RSF1: variants seen among roughly 807,000 people sequenced by gnomAD.
RSF1 encodes remodeling and spacing factor 1, also known as HBV pX-associated protein 8.
RSF1 carries 13 observed loss-of-function variants against 145.2 expected under a neutral mutation model. That is an observed-to-expected ratio of 0.09 (90% CI 0.06 to 0.14). RSF1 has a LOEUF of 0.14. RSF1 is among the 10% of genes least tolerant of loss of function. The pLI is 1.00. For synonymous variants in RSF1, 577 were observed against 592.6 expected (o/e 0.97, Z 0.38); for missense variants, 1,517 against 1,718.2 (o/e 0.88, Z 2.07).
At position 77,683,738 on chromosome 11, in the gene RSF1, T is replaced by C. The variant is rs1959930019; in HGVS notation, c.3037A>G (p.Thr1013Ala). 6.2e-6 allele frequency: 10 copies of C among 1,613,044 alleles called. No individual in the cohort carries two copies. The highest frequency in any genetic ancestry group is 8.5e-6 in the Non-Finnish European group (10 of 1,179,518). The change falls in exon 11 of 16, where the codon ACA becomes GCA. Residue 1013 changes from threonine to alanine, a missense_variant. This residue lies in a region of RSF1 where 231 missense variants were observed against 276.6 expected (regional missense o/e 0.84). Transcript: ENST00000308488. Reference protein sequence around the residue: ...SKANLLERRSTRTRKCISYRF... With the variant: ...SKANLLERRSARTRKCISYRF... The stretch of plus-strand genomic sequence containing the variant: ...TAGCTTATACATTTCCTTGTTCTTG[T>C]TGACCTCCTTTCAAGCAAGTTTGCT...
chr11:77,863,781 C>G, the RSF1 span, among the ~76,000 whole-genome samples: 1 of 152,096 alleles, frequency 6.6e-6, no homozygotes, highest in Non-Finnish European at 1.5e-5. Context: ...CCTCAAAGCA[C>G]TGAGATGACA....
At chr11:77,759,347 C>CA (rs1948147644) in intron 2 of RSF1, among the ~76,000 whole-genome samples, 1 of 151,612 alleles carries the variant, frequency 6.6e-6, no homozygotes, top group Non-Finnish European at 1.5e-5. Flanking sequence ...GCCACCTCTA[C>CA]AAAAAATAAA....
At chr11:77,828,595 C>T in the RSF1 span, among the ~76,000 whole-genome samples, 1 of 148,162 alleles carries the variant, frequency 6.7e-6, no homozygotes, top group African/African-American at 2.5e-5. Context: ...GGCGTGAACC[C>T]GGGAGGTGGA....
intron 8 of RSF1, among the ~76,000 whole-genome samples, chr11:77,691,460 G>T (rs1251173904): frequency 6.6e-6 from 1 of 152,170 alleles, no homozygotes; most frequent in Non-Finnish European, 1.5e-5. Flanking sequence ...ATACAGCTTT[G>T]CCAAAAGAAA....
At chr11:77,870,005 CTGAGA>C in the RSF1 span, 1 of 453,704 alleles carries the variant, frequency 2.2e-6, no homozygotes, top group Non-Finnish European at 4.0e-6. Flanking sequence ...CTACCTAACC[CTGAGA>C]CAGTGTCATT....
intron 4 of RSF1, among the ~76,000 whole-genome samples, chr11:77,736,254 T>G (rs1377478690): frequency 6.6e-6 from 1 of 152,264 alleles, no homozygotes; most frequent in Non-Finnish European, 1.5e-5. Context: ...TGATCCTGGC[T>G]CAGCCTTTGA....
chr11:77,674,336 T>C (rs1171260784), intron 14 of RSF1, among the ~76,000 whole-genome samples: 1 of 152,232 alleles, frequency 6.6e-6, no homozygotes, highest in Admixed American at 6.5e-5. Context: ...AGCCTCTATT[T>C]ACTCACTTAA....
chr11:77,858,851 AT>A, the RSF1 span, among the ~76,000 whole-genome samples: 3 of 152,196 alleles, frequency 2.0e-5, no homozygotes, highest in Non-Finnish European at 4.4e-5. Context: ...TTGAAGAACG[AT>A]TTGTAGTTTT....
rs1959384029 is a variant in RSF1, at chr11:77,667,162, A to G, written c.4081T>C (p.Leu1361=). The change falls in exon 16 of 16, where the codon TTG becomes CTG. Residue 1361 remains leucine (L), a synonymous_variant. Transcript: ENST00000308488. ...GGTAAGTCCACTAAGCTATAGTCCA[A>G]TGGGCTCCCCACTTTGCCTACATTT... is the stretch of plus-strand genomic sequence containing the variant. ...FENVGKVGSP[L]DYSLVDLPST... The G allele has an allele frequency of 6.2e-7, 1 of 1,614,206 alleles. No individual in the cohort carries two copies. The highest frequency in any genetic ancestry group is 1.3e-5 in the African/African-American group (1 of 75,048).
upstream of RSF1, chr11:77,820,917 A>AG (rs1454291114): frequency 3.3e-5 from 19 of 584,320 alleles, no homozygotes; most frequent in Admixed American, 3.7e-4. Context: ...CGGGAGACAG[A>AG]GCGGCCCTCG....
chr11:77,707,826 T>C (rs1023362165), intron 5 of RSF1, among the ~76,000 whole-genome samples: 5 of 152,204 alleles, frequency 3.3e-5, no homozygotes, highest in Non-Finnish European at 5.9e-5. Flanking sequence ...GAAACTATCA[T>C]GTAGCATGCT....
Position 77,701,671 on chromosome 11 carries a change from A to C in RSF1, c.1558T>G (p.Leu520Val). Residue 520 changes from leucine (L) to valine (V), a missense_variant, in exon 6 of 16, where the codon TTA becomes GTA. Leu to Val is a conservative substitution (Grantham distance 32). This residue lies in a region of RSF1 where 579 missense variants were observed against 553.5 expected (regional missense o/e 1.05). Transcript: ENST00000308488. ...RKDADSSISVLEIHSQKAQIE... is the reference protein window; with the variant it reads ...RKDADSSISVVEIHSQKAQIE... ...TGTGCTTTTTGACTATGGATCTCTA[A>C]GACTGATATTGAACTATCTGCATCT... 3.1e-6 allele frequency: 5 copies of C among 1,614,064 alleles called. No homozygotes were observed. Among genetic ancestry groups the C allele is most frequent in the Non-Finnish European group, 4.2e-6 (5 of 1,180,006 alleles).
rs73495920 is a variant in RSF1, at chr11:77,820,112, G to A, written c.187+416C>T. Among the ~76,000 whole-genome samples, 764 of 152,280 alleles carry A rather than the reference G, an allele frequency of 5.0e-3. 8 individuals carry two copies. Among genetic ancestry groups the A allele is most frequent in the African/African-American group, 0.018 (729 of 41,556 alleles). On this transcript the variant is annotated intron_variant, in intron 1 of 15. Transcript: ENST00000308488. The stretch of plus-strand genomic sequence containing the variant: ...CGGGAAGACTGGTGGGAGGAGGGGA[G>A]GGAGTAAGGGTGGGGAGGAGGAGAA...
At chr11:77,671,977 A>G in intron 15 of RSF1, 65 bp downstream of exon 15, 1 of 1,349,068 alleles carries the variant, frequency 7.4e-7, no homozygotes. Context: ...CACAATCCTG[A>G]GTTCACTTTA....
intron 2 of RSF1, among the ~76,000 whole-genome samples, chr11:77,758,617 T>G (rs2135931957): frequency 6.6e-6 from 1 of 152,284 alleles, no homozygotes; most frequent in East Asian, 1.9e-4. Context: ...TTACTTTCCT[T>G]TTTAAAAAAA....
intron 1 of RSF1, among the ~76,000 whole-genome samples, chr11:77,767,717 C>G (rs899184012): frequency 3.3e-5 from 5 of 152,154 alleles, no homozygotes; most frequent in Non-Finnish European, 7.3e-5. Context: ...GTACCAGCAA[C>G]CTTTTTGTCC....
the RSF1 span, among the ~76,000 whole-genome samples, chr11:77,827,223 G>A: frequency 1.3e-5 from 2 of 152,038 alleles, no homozygotes; most frequent in African/African-American, 4.8e-5. Flanking sequence ...AGTTGAAATA[G>A]GAATCAATAC....
At chr11:77,760,158 C>A (rs1400758666) in intron 2 of RSF1, among the ~76,000 whole-genome samples, 1 of 151,994 alleles carries the variant, frequency 6.6e-6, no homozygotes, top group Non-Finnish European at 1.5e-5. Context: ...TCCTAATAGA[C>A]AACAAAGTGG....
chr11:77,706,068 C>A (rs531975394), intron 5 of RSF1, among the ~76,000 whole-genome samples: 28 of 151,832 alleles, frequency 1.8e-4, no homozygotes, highest in African/African-American at 6.8e-4. Flanking sequence ...ACGGTGAAAC[C>A]CTGTCTCTAC....
Sources: allele counts gnomAD v4.1 joint callset (sites outside exome capture counted in the v4.1 genomes callset), GRCh38; gene constraint gnomAD v4.1.1; regional missense constraint gnomAD v4.1.1; transcripts MANE v1.5; gene names NCBI Gene and HGNC (gene_info 2026-07-23, HGNC 2026-07-21).